Variants in ZBTB20 observed in about 807,000 individuals in gnomAD.
ZBTB20 encodes zinc finger and BTB domain-containing protein 20.
In ZBTB20, 9 loss-of-function variants were observed where a neutral mutation model predicts 56.9. The observed-to-expected ratio is 0.16, with a 90% CI of 0.10 to 0.28. The LOEUF (loss-of-function observed/expected upper bound fraction) is 0.28. ZBTB20 is among the 10% of genes least tolerant of loss of function. The probability of loss-of-function intolerance (pLI) is 1.00; values close to 1 mark genes in which losing one functional copy is unlikely to be tolerated. For missense variants in ZBTB20, 655 were observed against 1,003.0 expected, an observed-to-expected ratio of 0.65 and a Z score of 4.69; for synonymous variants, 417 against 420.7, an observed-to-expected ratio of 0.99 and a Z score of 0.11.
At chr3:114,764,132 A>G (rs2068621293) in intron 5 of ZBTB20, among the ~76,000 whole-genome samples, 3 of 152,202 alleles carry the variant, frequency 2.0e-5, no homozygotes, top group Admixed American at 1.3e-4. Flanking sequence ...TTAATGAGTC[A>G]GCAAAAATGT....
chr3:115,057,532 C>A (rs1054430436), intron 2 of ZBTB20, among the ~76,000 whole-genome samples: 1 of 152,106 alleles, frequency 6.6e-6, no homozygotes, highest in East Asian at 1.9e-4. Flanking sequence ...ATATAACCCA[C>A]AATACATTGT....
intron 6 of ZBTB20, among the ~76,000 whole-genome samples, chr3:114,665,229 A>T (rs555524908): frequency 6.6e-6 from 1 of 152,148 alleles, no homozygotes; most frequent in African/African-American, 2.4e-5. Context: ...ATGTTTACAT[A>T]TGTAAATACT....
intron 6 of ZBTB20, among the ~76,000 whole-genome samples, chr3:114,572,075 G>A (rs991337235): frequency 2.6e-5 from 4 of 151,420 alleles, no homozygotes; most frequent in South Asian, 2.1e-4. Flanking sequence ...AGCAAACTAC[G>A]AGACAAAGAT....
At chr3:114,690,200 T>C (rs1389440692) in intron 6 of ZBTB20, among the ~76,000 whole-genome samples, 2 of 152,162 alleles carry the variant, frequency 1.3e-5, no homozygotes, top group African/African-American at 4.8e-5. Context: ...CTCATATTTT[T>C]CTAGAGATTT....
At chr3:114,784,451 T>C (rs1490640416) in intron 5 of ZBTB20, among the ~76,000 whole-genome samples, 1 of 152,194 alleles carries the variant, frequency 6.6e-6, no homozygotes, top group Admixed American at 6.5e-5. Context: ...ACCCAGCCAC[T>C]GATCCACTGC....
At chr3:115,145,558 T>C (rs1176372753) in intron 1 of ZBTB20, among the ~76,000 whole-genome samples, 2 of 152,188 alleles carry the variant, frequency 1.3e-5, no homozygotes, top group African/African-American at 2.4e-5. Flanking sequence ...GTTTAGGGAA[T>C]TGTGGCAAGA....
At chr3:114,957,869 C>A (rs903588845) in intron 3 of ZBTB20, among the ~76,000 whole-genome samples, 1 of 152,174 alleles carries the variant, frequency 6.6e-6, no homozygotes, top group African/African-American at 2.4e-5. Flanking sequence ...TAGCTCTTAT[C>A]TGGGACGTGT....
At chr3:114,412,437 G>A (rs2088063772) in intron 7 of ZBTB20, among the ~76,000 whole-genome samples, 1 of 152,114 alleles carries the variant, frequency 6.6e-6, no homozygotes. Flanking sequence ...CTCTGACAAA[G>A]CTGAAGAGGA....
intron 6 of ZBTB20, among the ~76,000 whole-genome samples, chr3:114,588,112 C>T (rs527344119): frequency 6.6e-6 from 1 of 152,072 alleles, no homozygotes; most frequent in Non-Finnish European, 1.5e-5. Context: ...TTCCAGGGGG[C>T]CTTCTTTTGT....
chr3:114,580,323 A>G (rs979293063), intron 6 of ZBTB20, among the ~76,000 whole-genome samples: 2 of 151,728 alleles, frequency 1.3e-5, no homozygotes, highest in Non-Finnish European at 3.0e-5. Context: ...AAAAACACTT[A>G]GTAAACTATA....
intron 7 of ZBTB20, among the ~76,000 whole-genome samples, chr3:114,428,667 C>T (rs1326753320): frequency 6.6e-6 from 1 of 152,168 alleles, no homozygotes; most frequent in African/African-American, 2.4e-5. Flanking sequence ...AAGTCCCCAG[C>T]CCCTAGTAGA....
intron 3 of ZBTB20, among the ~76,000 whole-genome samples, chr3:114,970,528 GA>G (rs986981674): frequency 6.6e-6 from 1 of 152,072 alleles, no homozygotes; most frequent in African/African-American, 2.4e-5. Flanking sequence ...TGTGTTTCAT[GA>G]AAACATTTTA....
intron 6 of ZBTB20, among the ~76,000 whole-genome samples, chr3:114,595,276 A>G (rs2056214394): frequency 6.6e-6 from 1 of 152,132 alleles, no homozygotes; most frequent in South Asian, 2.1e-4. Context: ...AGCTGGTCAA[A>G]TGCACTGTTA....
At chr3:115,057,250 A>AT (rs748055596) in intron 2 of ZBTB20, among the ~76,000 whole-genome samples, 3 of 151,582 alleles carry the variant, frequency 2.0e-5, no homozygotes, top group Non-Finnish European at 4.4e-5. Context: ...TTTCTGTCCC[A>AT]TGTGTTCTTT....
At position 114,331,184 on chromosome 3, in the gene ZBTB20, G is replaced by C. The variant is rs1466970007; in HGVS notation, c.*7821C>G. ...AAGGAATGAAGACCTTTGAGCTATG[G>C]GATGGCTCAGGCCAAAGTTTGTGTG... On this transcript the variant is annotated 3_prime_UTR_variant, in exon 12 of 12. Coordinates refer to ENST00000675478, the MANE Select transcript of ZBTB20 (RefSeq NM_001348800.3). The C allele has an allele frequency of 6.6e-6, 1 of 152,128 alleles. No individual in the cohort carries two copies. Among genetic ancestry groups the C allele is most frequent in the Non-Finnish European group, 1.5e-5 (1 of 68,256 alleles). The allele number at this position is 152,128 out of a possible 1,614,324, so 9.4% of individuals were successfully genotyped here. A position where few individuals can be genotyped will look rare whatever the true frequency, so the allele number is the denominator to read the frequency against.
At chr3:114,990,118 G>A (rs1057046799) in intron 2 of ZBTB20, among the ~76,000 whole-genome samples, 5 of 152,038 alleles carry the variant, frequency 3.3e-5, no homozygotes, top group Non-Finnish European at 5.9e-5. Flanking sequence ...TGATTGCCCT[G>A]GCCAGAACTT....
chr3:114,669,626 T>C (rs1560106650), intron 6 of ZBTB20, among the ~76,000 whole-genome samples: 1 of 142,530 alleles, frequency 7.0e-6, no homozygotes, highest in Non-Finnish European at 1.5e-5. Flanking sequence ...GTGAACACAT[T>C]AAAAAAAAAA....
At chr3:114,412,137 C>T (rs1256925164) in intron 7 of ZBTB20, among the ~76,000 whole-genome samples, 14 of 152,016 alleles carry the variant, frequency 9.2e-5, no homozygotes, top group Admixed American at 2.6e-4. Flanking sequence ...ATCTTTGTGG[C>T]GGTGACATGG....
At position 114,850,426 on chromosome 3, in the gene ZBTB20, A is replaced by C. The variant is rs961357690; in HGVS notation, c.-416-49252T>G. Among the ~76,000 whole-genome samples, 11 of 152,212 alleles carry C rather than the reference A, an allele frequency of 7.2e-5. 1 individual carries two copies. Among genetic ancestry groups the C allele is most frequent in the Admixed American group, 7.2e-4 (11 of 15,282 alleles). Reference sequence around the variant, plus strand: ...AGATACTTCATCTTAACTAGTAAGAAACATAGTAATCCCTCACATTCATTA... The same window carrying C: ...AGATACTTCATCTTAACTAGTAAGACACATAGTAATCCCTCACATTCATTA... On this transcript the variant is annotated intron_variant, in intron 4 of 11. Transcript: ENST00000675478.
Sources: allele counts gnomAD v4.1 joint callset (sites outside exome capture counted in the v4.1 genomes callset), GRCh38; gene constraint gnomAD v4.1.1; transcripts MANE v1.5; gene names NCBI Gene and HGNC (gene_info 2026-07-23, HGNC 2026-07-21).